TMEM43: variants seen among roughly 807,000 people sequenced by gnomAD.
The protein encoded by TMEM43 is arrhythmogenic right ventricular dysplasia 5.
A neutral mutation model predicts 49.6 loss-of-function variants in TMEM43; 45 were observed. The ratio of observed to expected loss-of-function variants is 0.91; its 90% CI spans 0.71 to 1.16. The LOEUF is 1.16. Ranked by LOEUF, TMEM43 falls within the 50% of genes most tolerant of loss-of-function variation. TMEM43 has a pLI of 0.00. For missense variants in TMEM43, 532 were observed against 516.6 expected (o/e 1.03, Z -0.29); for synonymous variants, 199 against 207.8 (o/e 0.96, Z 0.36).
chr3:14,141,171 C>T (rs1257461013), intron 11 of TMEM43, among the ~76,000 whole-genome samples: 2 of 152,200 alleles, frequency 1.3e-5, no homozygotes, highest in Non-Finnish European at 2.9e-5. Context: ...ATGAATGAAC[C>T]AACACCTCTA....
rs1695065961 is a variant in TMEM43, at chr3:14,129,568, T to C, written c.162+7T>C. The C allele has an allele frequency of 6.2e-7, 1 of 1,613,898 alleles. No homozygotes were observed. Among genetic ancestry groups the C allele is most frequent in the Admixed American group, 1.7e-5 (1 of 59,982 alleles). ...CCTAATTTTCACCAATGAGGTAAAA[T>C]GTCTGGGGTCTTCCTGTGCAGAGTG... On this transcript the variant is annotated splice_region_variant and intron_variant, in intron 2 of 11. Transcript: ENST00000306077.
chr3:14,125,767 G>A (rs1695011179), intron 1 of TMEM43, among the ~76,000 whole-genome samples: 1 of 152,204 alleles, frequency 6.6e-6, no homozygotes, highest in African/African-American at 2.4e-5. Flanking sequence ...GGGAGAGGGA[G>A]CATTTCTCTA....
At chr3:14,132,236 C>T (rs1695105752) in intron 4 of TMEM43, among the ~76,000 whole-genome samples, 1 of 152,182 alleles carries the variant, frequency 6.6e-6, no homozygotes, top group Non-Finnish European at 1.5e-5. Flanking sequence ...CAGGGCTGTC[C>T]TGGAGCAGAG....
rs534307747 is a variant in TMEM43, at chr3:14,136,707, G to T, written c.882+799G>T. Among the ~76,000 whole-genome samples, 85 of 150,266 alleles carry T rather than the reference G, an allele frequency of 5.7e-4. 8 individuals are homozygous for T. The highest frequency in any genetic ancestry group is 1.6e-3 in the African/African-American group (65 of 40,414). ...CCCAGAGCGGGGAGAGGGAGTGGGT[G>T]GGGGGGCTCCACCAAAGTCTGTGTC... On this transcript the variant is annotated intron_variant, in intron 10 of 11. Coordinates refer to ENST00000306077, the MANE Select transcript of TMEM43 (RefSeq NM_024334.3).
chr3:14,136,454 G>A (rs2733587), intron 10 of TMEM43, among the ~76,000 whole-genome samples: 16,822 of 152,230 alleles, frequency 0.11, 1,324 homozygotes, highest in East Asian at 0.35. Flanking sequence ...CTGATGCATC[G>A]TGCCGAGTGT....
At chr3:14,136,060 GTGTT>G (rs1386936671) in intron 10 of TMEM43, 152 bp downstream of exon 10, 45 of 765,502 alleles carry the variant, frequency 5.9e-5, no homozygotes, top group Non-Finnish European at 6.8e-5. Context: ...CCTCATCAAA[GTGTT>G]TGACCAGGAG....
chr3:14,127,324 C>T (rs1156474015), intron 1 of TMEM43, among the ~76,000 whole-genome samples: 2 of 152,172 alleles, frequency 1.3e-5, no homozygotes, highest in African/African-American at 4.8e-5. Flanking sequence ...CCTCCTGTAC[C>T]TCTCTTCCTT....
chr3:14,128,663 G>C (rs1695049473), intron 1 of TMEM43, among the ~76,000 whole-genome samples: 1 of 152,184 alleles, frequency 6.6e-6, no homozygotes. Flanking sequence ...GCCACTGTTT[G>C]CTGAATTTAA....
intron 2 of TMEM43, among the ~76,000 whole-genome samples, chr3:14,129,815 G>A (rs1695069109): frequency 2.6e-5 from 4 of 152,278 alleles, no homozygotes; most frequent in Admixed American, 1.3e-4. Flanking sequence ...TTGGATCCAG[G>A]TGTTCATGCT....
chr3:14,132,801 G>A, intron 5 of TMEM43, 65 bp from the exon 6 acceptor site: 2 of 1,516,124 alleles, frequency 1.3e-6, no homozygotes, highest in Non-Finnish European at 1.8e-6. Flanking sequence ...GAGGAGCTGG[G>A]CTGGTGGGTC....
chr3:14,133,694 C>G, intron 6 of TMEM43, 45 bp from the exon 7 acceptor site: 2 of 1,589,944 alleles, frequency 1.3e-6, no homozygotes, highest in Non-Finnish European at 1.7e-6. Flanking sequence ...ACCCGGGCAG[C>G]TCCCACACCG....
intron 1 of TMEM43, 120 bp downstream of exon 1, chr3:14,125,325 T>C (rs1321347005): frequency 8.1e-7 from 1 of 1,237,640 alleles, no homozygotes; most frequent in Non-Finnish European, 1.1e-6. Context: ...TAGGCCCGCA[T>C]CTCCCTCTGC....
At chr3:14,130,616 A>C (rs1252799535) in intron 2 of TMEM43, among the ~76,000 whole-genome samples, 1 of 152,198 alleles carries the variant, frequency 6.6e-6, no homozygotes, top group Non-Finnish European at 1.5e-5. Flanking sequence ...CCAATGGGGC[A>C]GTAGGAAGAA....
chr3:14,141,623 T>G lies in TMEM43; in HGVS notation c.1031T>G (p.Val344Gly), dbSNP rs746612885. Residue 344 changes from valine (V) to glycine (G), a missense_variant, in exon 12 of 12, where the codon GTC becomes GGC. Coordinates refer to ENST00000306077, the MANE Select transcript of TMEM43 (RefSeq NM_024334.3). ...VDWFPVFRDL[V>G]NIGLKAFAFC... ...TGGTTTCCTGTTTTCCGAGACCTGG[T>G]CAACATTGGCCTGAAAGCCTTTGCC... 1.9e-6 allele frequency: 3 copies of G among 1,614,172 alleles called. No individual in the cohort carries two copies. Among genetic ancestry groups the G allele is most frequent in the Admixed American group, 3.3e-5 (2 of 60,024 alleles).
chr3:14,139,398 T>C, intron 11 of TMEM43, 101 bp downstream of exon 11: 1 of 858,012 alleles, frequency 1.2e-6, no homozygotes, highest in Non-Finnish European at 2.0e-6. Flanking sequence ...GGGATGGCCC[T>C]TGTGCAGATA....
At chr3:14,133,658 C>A in intron 6 of TMEM43, 81 bp from the exon 7 acceptor site, 1 of 1,364,474 alleles carries the variant, frequency 7.3e-7, no homozygotes, top group South Asian at 1.2e-5. Flanking sequence ...GGTGGGGACC[C>A]TGCCCAGCAC....
chr3:14,133,042 G>A, intron 6 of TMEM43, 107 bp downstream of exon 6: 1 of 1,000,238 alleles, frequency 1.0e-6, no homozygotes. Context: ...TGCCTCGTGG[G>A]TTGAAAATGT....
intron 9 of TMEM43, 46 bp downstream of exon 9, chr3:14,135,278 C>G (rs775552880): frequency 1.7e-5 from 26 of 1,503,604 alleles, no homozygotes; most frequent in Admixed American, 1.2e-4. Context: ...AGCCTCACGA[C>G]TTTCCTGGAC....
rs1015066267 is a variant in TMEM43 at position 14,139,955 on chromosome 3, G to A, written c.1000+658G>A. 3.3e-5 allele frequency among the ~76,000 whole-genome samples: 5 copies of A among 152,286 alleles called. No homozygotes were observed. The South Asian group carries it at 8.3e-4, about 25-fold the overall frequency. ...TGCGTTCTGGGCCCAGGAGGATGGG[G>A]TTCCTCGGAGGACTCTCCATCCAAG... On this transcript the variant is annotated intron_variant, in intron 11 of 11. Coordinates refer to ENST00000306077, the MANE Select transcript of TMEM43 (RefSeq NM_024334.3).
Sources: allele counts gnomAD v4.1 joint callset (sites outside exome capture counted in the v4.1 genomes callset), GRCh38; gene constraint gnomAD v4.1.1; transcripts MANE v1.5; gene names NCBI Gene and HGNC (gene_info 2026-07-23, HGNC 2026-07-21).